APBB1IP: variants seen among roughly 807,000 people sequenced by gnomAD.
The protein encoded by APBB1IP is amyloid beta precursor protein binding family B member 1 interacting protein, also known as amyloid beta A4 precursor protein-binding family B member 1-interacting protein.
Under a neutral mutation model 64.9 loss-of-function variants are expected in APBB1IP, and 27 were observed. The observed-to-expected ratio is 0.42, with a 90% CI of 0.31 to 0.57. APBB1IP has a LOEUF of 0.57. Ranked by LOEUF, APBB1IP falls within the 20% of genes least tolerant of loss-of-function variation. The pLI is 0.20. For synonymous variants in APBB1IP, 392 were observed against 331.0 expected, an observed-to-expected ratio of 1.18 and a Z score of -2.00; for missense variants, 812 against 845.5, an observed-to-expected ratio of 0.96 and a Z score of 0.49.
intron 2 of APBB1IP, among the ~76,000 whole-genome samples, chr10:26,484,072 C>T (rs760492005): frequency 4.6e-5 from 7 of 151,946 alleles, no homozygotes; most frequent in Admixed American, 6.6e-5. Flanking sequence ...TTAGACAACC[C>T]GTGAGTTTGT....
intron 8 of APBB1IP, among the ~76,000 whole-genome samples, chr10:26,526,612 G>A (rs967937806): frequency 3.9e-5 from 6 of 152,056 alleles, no homozygotes; most frequent in South Asian, 4.1e-4. Context: ...CCAGCTACTC[G>A]GGAGGCTGAG....
Position 26,567,446 on chromosome 10 carries a change from C to A in APBB1IP, c.1959C>A (p.Asp653Glu). ...GCGGGGAGCAAGATTTCATGTCAGA[C>A]CTCATGAAAGCTTTGCAAAAGAAGA... ...AGGGEQDFMS[D>E]LMKALQKKRG... is the part of the protein sequence containing the mutation. Residue 653 changes from aspartate (D) to glutamate (E), a missense_variant, in exon 15 of 15, where the codon GAC (aspartate) becomes GAA (glutamate). This residue lies in a region of APBB1IP where 381 missense variants were observed against 352.1 expected (regional missense o/e 1.08). Transcript: ENST00000376236. The A allele has an allele frequency of 6.2e-7, 1 of 1,605,496 alleles. No individual in the cohort carries two copies. The highest frequency in any genetic ancestry group is 8.5e-7 in the Non-Finnish European group (1 of 1,174,304).
intron 2 of APBB1IP, among the ~76,000 whole-genome samples, chr10:26,463,137 T>G (rs1452333658): frequency 6.6e-6 from 1 of 152,146 alleles, no homozygotes; most frequent in Non-Finnish European, 1.5e-5. Context: ...CCAAGAGTGC[T>G]TAGTAAAATT....
chr10:26,445,458 C>A (rs1835386401), intron 2 of APBB1IP, among the ~76,000 whole-genome samples: 2 of 149,366 alleles, frequency 1.3e-5, no homozygotes, highest in South Asian at 2.2e-4. Flanking sequence ...GCTGTGTTGC[C>A]CAGGCTGGTC....
At chr10:26,497,852 G>A (rs1387000056) in intron 4 of APBB1IP, among the ~76,000 whole-genome samples, 8 of 147,070 alleles carry the variant, frequency 5.4e-5, no homozygotes, top group Admixed American at 1.4e-4. Context: ...TCAGCCTCCC[G>A]AGTAGCTGGG....
chr10:26,471,729 G>A (rs545308328), intron 2 of APBB1IP, among the ~76,000 whole-genome samples: 109 of 152,064 alleles, frequency 7.2e-4, no homozygotes, highest in Non-Finnish European at 1.4e-3. Flanking sequence ...TCTGTCGCCA[G>A]GCTGGAGGTC....
Position 26,515,177 on chromosome 10 carries a change from A to G in APBB1IP, c.813+1517A>G, listed in dbSNP as rs972510257. The stretch of plus-strand genomic sequence containing the variant: ...ATTCCAGGTGTGAGCCACTGCACCC[A>G]GCCCAATGGCATGCTTTAACAACTG... On this transcript the variant is annotated intron_variant, in intron 8 of 14. Coordinates refer to ENST00000376236, the MANE Select transcript of APBB1IP (RefSeq NM_019043.4). 6.6e-5 allele frequency among the ~76,000 whole-genome samples: 10 copies of G among 151,876 alleles called. No homozygotes were observed. The South Asian group carries it at 1.2e-3, about 19-fold the overall frequency.
intron 2 of APBB1IP, among the ~76,000 whole-genome samples, chr10:26,459,225 T>TTCCA (rs1835562465): frequency 6.6e-6 from 1 of 151,584 alleles, no homozygotes. Flanking sequence ...TTACTGAGAA[T>TTCCA]GATGATTTCC....
At chr10:26,472,450 G>C (rs140614530) in intron 2 of APBB1IP, among the ~76,000 whole-genome samples, 1 of 152,296 alleles carries the variant, frequency 6.6e-6, no homozygotes, top group African/African-American at 2.4e-5. Flanking sequence ...AAGGAGTTCA[G>C]TTTGGCTTCT....
At chr10:26,487,582 G>A (rs1161676641) in intron 2 of APBB1IP, among the ~76,000 whole-genome samples, 1 of 152,082 alleles carries the variant, frequency 6.6e-6, no homozygotes, top group African/African-American at 2.4e-5. Context: ...GGAATGAAAG[G>A]GCAGGGGAAA....
At chr10:26,506,306 G>A (rs1191590177) in intron 6 of APBB1IP, among the ~76,000 whole-genome samples, 1 of 151,038 alleles carries the variant, frequency 6.6e-6, no homozygotes, top group African/African-American at 2.5e-5. Context: ...GGAGTGCAGT[G>A]GTACAATCAC....
chr10:26,495,263 C>T (rs893126935), intron 3 of APBB1IP, among the ~76,000 whole-genome samples: 1 of 151,886 alleles, frequency 6.6e-6, no homozygotes, highest in Non-Finnish European at 1.5e-5. Flanking sequence ...GCCTCAGCCT[C>T]CCAAAGTGCT....
intron 3 of APBB1IP, among the ~76,000 whole-genome samples, chr10:26,494,003 A>AT (rs959150484): frequency 1.5e-4 from 23 of 148,802 alleles, no homozygotes; most frequent in Admixed American, 2.7e-4. Context: ...CACCCAGCTA[A>AT]TTTTTTTTTT....
chr10:26,561,931 C>T (rs1836978005), intron 13 of APBB1IP: 2 of 170,740 alleles, frequency 1.2e-5, no homozygotes, highest in Admixed American at 1.1e-4. Flanking sequence ...TTAAAAAAAT[C>T]AAGAATTTTT....
intron 14 of APBB1IP, among the ~76,000 whole-genome samples, chr10:26,562,753 C>T (rs748751695): frequency 3.3e-5 from 5 of 151,966 alleles, no homozygotes; most frequent in Non-Finnish European, 7.4e-5. Flanking sequence ...TCTGTGATTG[C>T]GCCACTGCAT....
intron 12 of APBB1IP, among the ~76,000 whole-genome samples, chr10:26,560,504 C>G (rs1836954061): frequency 6.6e-6 from 1 of 152,106 alleles, no homozygotes; most frequent in African/African-American, 2.4e-5. Context: ...GAGCAAAGCT[C>G]TTCTCTAATA....
intron 9 of APBB1IP, 94 bp downstream of exon 9, chr10:26,533,619 C>A: frequency 1.4e-6 from 1 of 701,956 alleles, no homozygotes; most frequent in Non-Finnish European, 2.2e-6. Flanking sequence ...AATCTAAAGA[C>A]ATACACTGAA....
In APBB1IP at chr10:26,562,393, T is replaced by C; in HGVS notation, c.1437T>C (p.Val479=). Reference sequence around the variant, plus strand: ...AGGCTACACATTCTGTCAGTGCTGTTCTCCAAGAGGCCCAGAGACATGCTG... The same window carrying C: ...AGGCTACACATTCTGTCAGTGCTGTCCTCCAAGAGGCCCAGAGACATGCTG... ...IPQATHSVSA[V]LQEAQRHAET... Residue 479 remains valine, a synonymous_variant, in exon 14 of 15, where the codon GTT becomes GTC. Transcript: ENST00000376236. The C allele has an allele frequency of 6.2e-7, 1 of 1,613,938 alleles. No individual in the cohort carries two copies. The highest frequency in any genetic ancestry group is 8.5e-7 in the Non-Finnish European group (1 of 1,179,934).
At chr10:26,514,129 A>T (rs1187356820) in intron 8 of APBB1IP, among the ~76,000 whole-genome samples, 1 of 151,952 alleles carries the variant, frequency 6.6e-6, no homozygotes, top group Non-Finnish European at 1.5e-5. Context: ...CACAAACTCA[A>T]CTCTTAAGCT....
Sources: gnomAD v4.1 joint callset for allele counts (sites outside exome capture counted in the v4.1 genomes callset) on GRCh38, gnomAD v4.1.1 for gene constraint, gnomAD v4.1.1 regional missense constraint, MANE v1.5 for transcripts, NCBI Gene and HGNC (gene_info 2026-07-23, HGNC 2026-07-21) for gene names.